The following IL16 variants were observed in gnomAD, a reference collection of about 807,000 sequenced individuals.
IL16 encodes interleukin 16, also known as pro-interleukin-16.
A neutral mutation model predicts 110.1 loss-of-function variants in IL16; 67 were observed. That is an observed-to-expected ratio of 0.61 (90% CI 0.50 to 0.75). The LOEUF is 0.75. Ranked by LOEUF, IL16 falls within the 30% of genes least tolerant of loss-of-function variation. The pLI is 0.00. For synonymous variants in IL16, 689 were observed against 662.9 expected, an observed-to-expected ratio of 1.04 and a Z score of -0.61; for missense variants, 1,545 against 1,655.0, an observed-to-expected ratio of 0.93 and a Z score of 1.15.
intron 4 of IL16, 127 bp from the exon 5 acceptor site, chr15:81,269,411 C>T (rs543783868): frequency 2.0e-5 from 14 of 689,328 alleles, no homozygotes; most frequent in African/African-American, 1.2e-4. Context: ...CTGGTTGTTA[C>T]GCTGCCTGCC....
At position 81,310,687 on chromosome 15, in the gene IL16, T is replaced by C. The variant is rs1178565947; in HGVS notation, c.*1889T>C. The C allele has an allele frequency of 2.0e-5, 3 of 152,164 alleles. No homozygotes were observed. The highest frequency in any genetic ancestry group is 4.8e-5 in the African/African-American group (2 of 41,428). 9.4% of individuals were successfully genotyped at this position (152,164 alleles called of 1,614,324 possible). The stretch of plus-strand genomic sequence containing the variant: ...ACAAACTCACCATCTGTGCACGCAG[T>C]GGCCTTCCCTAAAATCAGGGAATTG... On this transcript the variant is annotated 3_prime_UTR_variant, in exon 19 of 19. Coordinates refer to ENST00000683961, the MANE Select transcript of IL16 (RefSeq NM_172217.5).
intron 1 of IL16, among the ~76,000 whole-genome samples, chr15:81,201,771 A>G (rs1050202588): frequency 2.0e-5 from 3 of 152,366 alleles, no homozygotes; most frequent in East Asian, 1.9e-4. Flanking sequence ...CTGCTCTTCA[A>G]TAACAGCTTG....
chr15:81,228,514 G>T (rs893367260), intron 2 of IL16, among the ~76,000 whole-genome samples: 2 of 151,912 alleles, frequency 1.3e-5, no homozygotes, highest in African/African-American at 4.8e-5. Context: ...AGTAGAAATG[G>T]GGATTCACCA....
At chr15:81,227,390 T>C (rs987958009) in intron 2 of IL16, among the ~76,000 whole-genome samples, 19 of 152,144 alleles carry the variant, frequency 1.2e-4, no homozygotes, top group African/African-American at 4.6e-4. Flanking sequence ...TCTCTAAAGA[T>C]GTGACATTTT....
In IL16 at chr15:81,292,493, G is replaced by A. The variant is rs548261163; in HGVS notation, c.1421-63G>A. 8 of 1,611,966 alleles carry A rather than the reference G, an allele frequency of 5.0e-6. No homozygotes were observed. In the South Asian group the frequency reaches 8.8e-5, roughly 18 times the overall value. Reference sequence around the variant, plus strand: ...GCTGCCCGTGGCAGTCACAGGTGAGGCCAGGGGGTATTTCTGTTTTCTGAA... The same window carrying A: ...GCTGCCCGTGGCAGTCACAGGTGAGACCAGGGGGTATTTCTGTTTTCTGAA... On this transcript the variant is annotated intron_variant, in intron 11 of 18. Transcript: ENST00000683961.
chr15:81,265,754 A>G lies in IL16; in HGVS notation c.517A>G (p.Arg173Gly). The G allele has an allele frequency of 6.2e-7, 1 of 1,613,886 alleles. No individual in the cohort carries two copies. The highest frequency in any genetic ancestry group is 8.5e-7 in the Non-Finnish European group (1 of 1,179,874). ...GCAGCCTTACTCTCTCTGCAGTAACAGGAAGTCCCTCTCTCAACAATTGGA... is the reference window on the plus strand; with the variant it reads ...GCAGCCTTACTCTCTCTGCAGTAACGGGAAGTCCCTCTCTCAACAATTGGA... Reference protein sequence around the residue: ...DRQPYSLCSNRKSLSQQLDCP... With the variant: ...DRQPYSLCSNGKSLSQQLDCP... The change falls in exon 4 of 19, where the codon AGG becomes GGG. Residue 173 changes from arginine to glycine, a missense_variant. Arg to Gly is a moderately radical substitution (Grantham distance 125, BLOSUM62 -2). Around this residue, in one of 3 missense-constraint regions of IL16, gnomAD observed 1,185 missense variants for 1,238.8 expected, o/e 0.96. Transcript: ENST00000683961.
intron 1 of IL16, chr15:81,188,229 A>G (rs1294802165): frequency 2.3e-6 from 1 of 426,562 alleles, no homozygotes; most frequent in East Asian, 7.1e-5. Flanking sequence ...GATTGCAGGT[A>G]GTGTCGGGCA....
intron 2 of IL16, among the ~76,000 whole-genome samples, chr15:81,235,191 GTGTTAGTCCATT>G (rs1401713512): frequency 6.6e-6 from 1 of 152,188 alleles, no homozygotes; most frequent in Non-Finnish European, 1.5e-5. Context: ...GTTGGGGGCT[GTGTTAGTCCATT>G]TTGCATTTCT....
rs572354966 is a variant in IL16 at position 81,214,448 on chromosome 15, C to T, written c.-101-10851C>T. Reference sequence around the variant, plus strand: ...TGCTTTGAAAATGCTGAAAATAGGCCCCCAATCTCTTCTGACTTGTAAGGT... The same window carrying T: ...TGCTTTGAAAATGCTGAAAATAGGCTCCCAATCTCTTCTGACTTGTAAGGT... On this transcript the variant is annotated intron_variant, in intron 1 of 18. Coordinates refer to ENST00000683961, the MANE Select transcript of IL16 (RefSeq NM_172217.5). Among the ~76,000 whole-genome samples, 7 of 152,220 alleles carry T rather than the reference C, an allele frequency of 4.6e-5. No individual in the cohort carries two copies. In the South Asian group the frequency reaches 1.5e-3, roughly 32 times the overall value.
At position 81,188,375 on chromosome 15, in the gene IL16, C is replaced by T. The variant is rs113194761; in HGVS notation, c.40+5479C>T. On this transcript the variant is annotated intron_variant, in intron 1 of 18. Coordinates refer to the IL16 transcript ENST00000302987. ...CAGAGGGTGTGTGGAGCACTGCGGG[C>T]GAGATGGAGCTGAGGGAAGGCAGAG... is the stretch of plus-strand genomic sequence containing the variant. 4.0e-3 allele frequency: 1,822 copies of T among 456,054 alleles called. 17 individuals are homozygous for T. Among genetic ancestry groups the T allele is most frequent in the Middle Eastern group, 0.017 (53 of 3,066 alleles). The allele number at this position is 456,054 out of a possible 1,614,324, so 28.3% of individuals were successfully genotyped here. A position where few individuals can be genotyped will look rare whatever the true frequency, so the allele number is the denominator to read the frequency against.
intron 2 of IL16, among the ~76,000 whole-genome samples, chr15:81,234,742 C>T (rs1393740126): frequency 6.6e-6 from 1 of 152,108 alleles, no homozygotes; most frequent in Non-Finnish European, 1.5e-5. Context: ...AGCAGGCTGC[C>T]TCTAATACAG....
intron 2 of IL16, among the ~76,000 whole-genome samples, chr15:81,230,992 A>G (rs1313793848): frequency 6.6e-6 from 1 of 151,904 alleles, no homozygotes; most frequent in Non-Finnish European, 1.5e-5. Flanking sequence ...GGCAGGAGTG[A>G]GAGGGATCAC....
chr15:81,200,455 G>C (rs1383211311), intron 1 of IL16, among the ~76,000 whole-genome samples: 2 of 152,070 alleles, frequency 1.3e-5, no homozygotes, highest in African/African-American at 2.4e-5. Flanking sequence ...CTGCAGCCTT[G>C]ACTCCGTGAG....
intron 1 of IL16, among the ~76,000 whole-genome samples, chr15:81,187,568 C>T (rs1178088954): frequency 6.6e-6 from 1 of 152,178 alleles, no homozygotes; most frequent in Non-Finnish European, 1.5e-5. Context: ...GCATTCCCGC[C>T]TGAGTGACAG....
At chr15:81,184,666 C>G (rs1219050801) in intron 1 of IL16, among the ~76,000 whole-genome samples, 1 of 152,214 alleles carries the variant, frequency 6.6e-6, no homozygotes, top group Non-Finnish European at 1.5e-5. Context: ...ATCAACTACT[C>G]AATACATTTG....
At chr15:81,243,163 A>ATTTTTTTTTTTTTTT (rs1219851899) in intron 2 of IL16, among the ~76,000 whole-genome samples, 2 of 15,018 alleles carry the variant, frequency 1.3e-4, no homozygotes, top group Non-Finnish European at 1.2e-4. Context: ...ATATATATAT[A>ATTTTTTTTTTTTTTT]TTTTTTTTTT....
intron 1 of IL16, among the ~76,000 whole-genome samples, chr15:81,220,063 C>A (rs1355263710): frequency 6.6e-6 from 1 of 152,222 alleles, no homozygotes; most frequent in Non-Finnish European, 1.5e-5. Context: ...ACACTGTCTT[C>A]CTAGTCCTGT....
At chr15:81,249,287 C>A (rs1897682776) in intron 2 of IL16, among the ~76,000 whole-genome samples, 1 of 152,072 alleles carries the variant, frequency 6.6e-6, no homozygotes, top group Non-Finnish European at 1.5e-5. Flanking sequence ...TCAACTCTTT[C>A]TTTTAATCAT....
chr15:81,225,150 T>G, intron 1 of IL16, 149 bp from the exon 2 acceptor site: 2 of 607,864 alleles, frequency 3.3e-6, no homozygotes, highest in South Asian at 2.0e-5. Context: ...GCTGGCACAC[T>G]GGAAGGGCCA....
Sources: gnomAD v4.1 joint callset for allele counts (sites outside exome capture counted in the v4.1 genomes callset) on GRCh38, gnomAD v4.1.1 for gene constraint, gnomAD v4.1.1 regional missense constraint, MANE v1.5 for transcripts, NCBI Gene and HGNC (gene_info 2026-07-23, HGNC 2026-07-21) for gene names.